Variants in TMEM170A observed in about 807,000 individuals in gnomAD.
The protein encoded by TMEM170A is transmembrane protein 170.
TMEM170A carries 18 observed loss-of-function variants against 12.8 expected under a neutral mutation model. That is an observed-to-expected ratio of 1.41 (90% CI 0.97 to 2.09). The LOEUF is 2.09. TMEM170A is among the 30% of genes most tolerant of loss of function. The pLI, the probability that TMEM170A is intolerant of heterozygous loss-of-function variation, is 0.00. For synonymous variants in TMEM170A, 107 were observed against 76.2 expected, an observed-to-expected ratio of 1.40 and a Z score of -2.11; for missense variants, 220 against 179.9, an observed-to-expected ratio of 1.22 and a Z score of -1.28.
At chr16:75,449,830 A>G (rs1054945000) in intron 2 of TMEM170A, among the ~76,000 whole-genome samples, 2 of 152,222 alleles carry the variant, frequency 1.3e-5, no homozygotes, top group African/African-American at 4.8e-5. Context: ...TTGGATAGAA[A>G]GAAGCTTAAG....
intron 1 of TMEM170A, among the ~76,000 whole-genome samples, chr16:75,461,923 T>A (rs891650763): frequency 6.6e-6 from 1 of 152,246 alleles, no homozygotes; most frequent in Non-Finnish European, 1.5e-5. Flanking sequence ...CCTACTGTGA[T>A]GTATTAAACC....
intron 1 of TMEM170A, among the ~76,000 whole-genome samples, chr16:75,464,072 G>C (rs923800657): frequency 1.3e-5 from 2 of 152,224 alleles, no homozygotes; most frequent in African/African-American, 4.8e-5. Context: ...GCCGCTCCGA[G>C]ACCCCTCGAA....
intron 1 of TMEM170A, chr16:75,464,115 G>A (rs1422354326): frequency 2.6e-6 from 3 of 1,169,198 alleles, no homozygotes; most frequent in Non-Finnish European, 3.6e-6. Flanking sequence ...ACCCAGGCAG[G>A]GCGGGGACCA....
intron 1 of TMEM170A, among the ~76,000 whole-genome samples, chr16:75,463,265 T>C (rs1393879563): frequency 6.6e-5 from 10 of 152,072 alleles, no homozygotes; most frequent in African/African-American, 9.7e-5. Context: ...ATTTCATGTA[T>C]CACACAGGGT....
chr16:75,444,490 G>A lies in TMEM170A; in HGVS notation c.*3068C>T, dbSNP rs750796126. 6.6e-6 allele frequency: 1 copy of A among 152,086 alleles called. No homozygotes were observed. Among genetic ancestry groups the A allele is most frequent in the South Asian group, 2.1e-4 (1 of 4,824 alleles). The allele number at this position is 152,086 out of a possible 1,614,324, so 9.4% of individuals were successfully genotyped here. On this transcript the variant is annotated 3_prime_UTR_variant, in exon 3 of 3. Transcript: ENST00000561878. Reference sequence around the variant, plus strand: ...AAACCAAAAAACCAAAGCACAGCTGGGGGAGGATATTTCTAAGAAATCAGT... The same window carrying A: ...AAACCAAAAAACCAAAGCACAGCTGAGGGAGGATATTTCTAAGAAATCAGT...
chr16:75,452,099 GT>G (rs2151633306), intron 1 of TMEM170A, among the ~76,000 whole-genome samples: 1 of 152,158 alleles, frequency 6.6e-6, no homozygotes, highest in Non-Finnish European at 1.5e-5. Context: ...AGCCTCCCGA[GT>G]AGCTGGGACT....
At chr16:75,457,600 G>A (rs1441995804) in intron 1 of TMEM170A, among the ~76,000 whole-genome samples, 3 of 152,172 alleles carry the variant, frequency 2.0e-5, no homozygotes, top group Non-Finnish European at 4.4e-5. Context: ...CTAGTCTGTG[G>A]TATTTTGTTA....
intron 2 of TMEM170A, among the ~76,000 whole-genome samples, chr16:75,450,266 A>C (rs2079659571): frequency 6.6e-6 from 1 of 152,022 alleles, no homozygotes; most frequent in Non-Finnish European, 1.5e-5. Context: ...CAGTGAAAAA[A>C]AGTTACAAAT....
chr16:75,463,948 G>C (rs759553952), intron 1 of TMEM170A, among the ~76,000 whole-genome samples: 129 of 152,268 alleles, frequency 8.5e-4, no homozygotes, highest in Non-Finnish European at 1.3e-3. Flanking sequence ...GGTCTCGGAG[G>C]GGGAGGATTT....
At position 75,451,751 on chromosome 16, in the gene TMEM170A, T is replaced by A. The variant is rs1166066436; in HGVS notation, c.222A>T (p.Arg74Ser). Residue 74 changes from arginine (R) to serine (S), a missense_variant, in exon 2 of 3, where the codon AGA becomes AGT. Transcript: ENST00000561878. ...ACATGAACCTACCATATTTGTGATG[T>A]CTGAGGGTGAAGAGGGCCAGTAATC... ...PAGLLALFTL[R>S]HHKYGRFMSV... 2 of 1,614,136 alleles carry A rather than the reference T, an allele frequency of 1.2e-6. No homozygotes were observed. The highest frequency in any genetic ancestry group is 3.3e-5 in the Admixed American group (2 of 60,018).
At chr16:75,461,067 T>A (rs1265254966) in intron 1 of TMEM170A, among the ~76,000 whole-genome samples, 1 of 152,192 alleles carries the variant, frequency 6.6e-6, no homozygotes, top group Non-Finnish European at 1.5e-5. Context: ...CTCATTTATT[T>A]ATTTTTGAGA....
chr16:75,464,241 C>G, intron 1 of TMEM170A: 2 of 1,501,792 alleles, frequency 1.3e-6, no homozygotes, highest in Non-Finnish European at 1.8e-6. Flanking sequence ...CCTGCGGCCG[C>G]TCTCTGCATC....
intron 1 of TMEM170A, 29 bp from the exon 2 acceptor site, chr16:75,451,868 A>T (rs1413397122): frequency 1.3e-6 from 2 of 1,579,220 alleles, no homozygotes; most frequent in East Asian, 2.3e-5. Context: ...AAAAGTTGTG[A>T]ATCACTGCCC....
intron 2 of TMEM170A, among the ~76,000 whole-genome samples, chr16:75,449,790 C>A (rs1167665318): frequency 6.6e-6 from 1 of 151,958 alleles, no homozygotes; most frequent in African/African-American, 2.4e-5. Flanking sequence ...TTGGGCCCCT[C>A]CAAAATTTAG....
intron 1 of TMEM170A, among the ~76,000 whole-genome samples, chr16:75,456,430 T>A (rs1035946268): frequency 1.3e-4 from 20 of 152,042 alleles, no homozygotes; most frequent in Non-Finnish European, 2.5e-4. Context: ...GACCAAAAAA[T>A]ATAAAAATTA....
chr16:75,451,460 G>C, intron 2 of TMEM170A: 1 of 612,550 alleles, frequency 1.6e-6, no homozygotes. Flanking sequence ...GATGGAGGAG[G>C]ATTACTTGAG....
Position 75,464,469 on chromosome 16 carries a change from T to C in TMEM170A, c.132A>G (p.Pro44=), listed in dbSNP as rs111320565. Residue 44 remains proline (P), a splice_region_variant and synonymous_variant, in exon 1 of 3, where the codon CCA becomes CCG. Transcript: ENST00000561878. ...GCGCAGGCGCGGGGCGGGCCGTACC[T>C]GGGAAGGAGCAGAGGGAAGTAGAGT... ...CPNSTSLCSF[P]EMWYGVFLWA... The C allele has an allele frequency of 1.3e-4, 191 of 1,512,438 alleles. No individual in the cohort carries two copies. Among genetic ancestry groups the C allele is most frequent in the Non-Finnish European group, 1.6e-4 (183 of 1,134,664 alleles). The allele number at this position is 1,512,438 out of a possible 1,614,324, so 93.7% of individuals were successfully genotyped here.
intron 1 of TMEM170A, among the ~76,000 whole-genome samples, chr16:75,456,655 C>T (rs1037108269): frequency 5.3e-5 from 8 of 152,216 alleles, no homozygotes; most frequent in African/African-American, 1.7e-4. Context: ...TCCTGCCTTT[C>T]GCTGCCCAGA....
intron 2 of TMEM170A, among the ~76,000 whole-genome samples, chr16:75,450,364 C>T (rs2079661154): frequency 6.6e-6 from 1 of 152,006 alleles, no homozygotes; most frequent in Admixed American, 6.6e-5. Context: ...AAGATGTAAA[C>T]TGTGGCTATT....
Sources: allele counts gnomAD v4.1 joint callset (sites outside exome capture counted in the v4.1 genomes callset), GRCh38; gene constraint gnomAD v4.1.1; transcripts MANE v1.5; gene names NCBI Gene and HGNC (gene_info 2026-07-23, HGNC 2026-07-21).